Variants in DLG2 observed in about 807,000 individuals in gnomAD.
The protein encoded by DLG2 is discs large MAGUK scaffold protein 2, also known as disks large homolog 2.
A neutral mutation model predicts 132.5 loss-of-function variants in DLG2; 45 were observed. The observed-to-expected ratio is 0.34, with a 90% confidence interval of 0.27 to 0.44. The LOEUF (loss-of-function observed/expected upper bound fraction) is 0.44, where lower values mean the gene tolerates loss of function less well. Ranked by LOEUF, DLG2 falls within the 20% of genes least tolerant of loss-of-function variation. DLG2 has a pLI of 1.00. For synonymous variants in DLG2, 424 were observed against 419.6 expected, an observed-to-expected ratio of 1.01 and a Z score of -0.13; for missense variants, 1,045 against 1,196.9, an observed-to-expected ratio of 0.87 and a Z score of 1.87.
chr11:84,072,185 A>G (rs1391368124), intron 10 of DLG2, among the ~76,000 whole-genome samples: 1 of 152,232 alleles, frequency 6.6e-6, no homozygotes, highest in Non-Finnish European at 1.5e-5. Flanking sequence ...CTTTTTGGAT[A>G]AAGCCAAAGT....
chr11:85,172,159 G>A (rs2078922506), intron 4 of DLG2, among the ~76,000 whole-genome samples: 2 of 152,204 alleles, frequency 1.3e-5, no homozygotes, highest in South Asian at 2.1e-4. Context: ...GACTGGGTGA[G>A]TCCTCCCAAT....
chr11:84,049,271 T>G (rs1026908911), intron 11 of DLG2, among the ~76,000 whole-genome samples: 4 of 151,848 alleles, frequency 2.6e-5, no homozygotes, highest in African/African-American at 9.7e-5. Flanking sequence ...AAGCTGGACA[T>G]GAAATTTGTC....
intron 11 of DLG2, among the ~76,000 whole-genome samples, chr11:83,999,892 A>G (rs973726810): frequency 1.3e-5 from 2 of 152,152 alleles, no homozygotes; most frequent in African/African-American, 4.8e-5. Flanking sequence ...AAGCAAATTA[A>G]AAAAATGAGA....
chr11:84,566,374 T>C (rs900937788), intron 6 of DLG2, among the ~76,000 whole-genome samples: 1 of 152,192 alleles, frequency 6.6e-6, no homozygotes, highest in African/African-American at 2.4e-5. Flanking sequence ...TAAAATCAAA[T>C]AGCAGAAACT....
intron 19 of DLG2, among the ~76,000 whole-genome samples, chr11:83,582,620 T>C (rs2097000932): frequency 6.6e-6 from 1 of 152,202 alleles, no homozygotes; most frequent in South Asian, 2.1e-4. Flanking sequence ...CCAGCAATAT[T>C]ATTAATGGAT....
intron 6 of DLG2, among the ~76,000 whole-genome samples, chr11:84,932,220 T>G (rs1234893417): frequency 6.6e-6 from 1 of 152,220 alleles, no homozygotes; most frequent in African/African-American, 2.4e-5. Flanking sequence ...TGGTACTGCC[T>G]AGGTTGTCTT....
At chr11:83,684,782 T>C (rs763685693) in intron 18 of DLG2, among the ~76,000 whole-genome samples, 8 of 152,140 alleles carry the variant, frequency 5.3e-5, no homozygotes, top group Non-Finnish European at 1.0e-4. Context: ...ATTTCTTCCC[T>C]GTCCATTTTC....
intron 7 of DLG2, among the ~76,000 whole-genome samples, chr11:84,418,451 A>T (rs1365283816): frequency 6.6e-6 from 1 of 152,212 alleles, no homozygotes; most frequent in South Asian, 2.1e-4. Flanking sequence ...TGAAGGAGGT[A>T]TCATTATTTT....
intron 6 of DLG2, among the ~76,000 whole-genome samples, chr11:84,878,457 C>A (rs1265929517): frequency 6.6e-6 from 1 of 152,038 alleles, no homozygotes; most frequent in African/African-American, 2.4e-5. Flanking sequence ...AACACAGGAA[C>A]AGGAAACCAA....
intron 15 of DLG2, among the ~76,000 whole-genome samples, chr11:83,893,120 C>T (rs2070461950): frequency 6.6e-6 from 1 of 152,194 alleles, no homozygotes; most frequent in Non-Finnish European, 1.5e-5. Flanking sequence ...CACAGAAATA[C>T]ACCCTACCTC....
chr11:85,458,501 G>A (rs1013349158), intron 3 of DLG2, among the ~76,000 whole-genome samples: 1 of 152,094 alleles, frequency 6.6e-6, no homozygotes, highest in South Asian at 2.1e-4. Flanking sequence ...TGGAGACACT[G>A]GCTTTTTGAG....
chr11:84,245,902 C>A (rs900465994), intron 8 of DLG2, among the ~76,000 whole-genome samples: 1 of 152,200 alleles, frequency 6.6e-6, no homozygotes, highest in East Asian at 1.9e-4. Context: ...ACTCACTCTT[C>A]CCCTAATTCG....
rs561021539 is a variant in DLG2, at chr11:85,093,059, T to C, written c.357+18602A>G. ...ACAAACAATCCAATTACACTCCTTT[T>C]AGACATTGATTTTCGACTGTGGGGT... On this transcript the variant is annotated intron_variant, in intron 6 of 27. Coordinates refer to ENST00000376104, the MANE Select transcript of DLG2 (RefSeq NM_001142699.3). Among the ~76,000 whole-genome samples the C allele has an allele frequency of 2.5e-3, 388 of 152,322 alleles. 1 individual carries two copies. The highest frequency in any genetic ancestry group is 3.3e-3 in the Non-Finnish European group (225 of 68,020).
intron 19 of DLG2, among the ~76,000 whole-genome samples, chr11:83,581,594 T>C (rs1017823157): frequency 2.0e-5 from 3 of 152,190 alleles, no homozygotes; most frequent in African/African-American, 7.2e-5. Context: ...CAGGTGAAAA[T>C]AGATATGATT....
At chr11:85,045,570 A>T (rs1037148015) in intron 6 of DLG2, among the ~76,000 whole-genome samples, 1 of 152,070 alleles carries the variant, frequency 6.6e-6, no homozygotes, top group Non-Finnish European at 1.5e-5. Context: ...AAGACAAAAT[A>T]AACAAAAAAA....
chr11:84,824,708 T>C (rs185665248), intron 6 of DLG2, among the ~76,000 whole-genome samples: 28 of 152,026 alleles, frequency 1.8e-4, no homozygotes, highest in Admixed American at 4.6e-4. Flanking sequence ...TCAGAGTTGC[T>C]TGATGCCACT....
At chr11:84,917,953 T>C (rs1246775272) in intron 6 of DLG2, among the ~76,000 whole-genome samples, 2 of 152,144 alleles carry the variant, frequency 1.3e-5, no homozygotes, top group Non-Finnish European at 2.9e-5. Flanking sequence ...TTATGAGCCA[T>C]AGGTGTTACT....
chr11:83,663,482 T>C (rs2074823974), intron 18 of DLG2, among the ~76,000 whole-genome samples: 1 of 152,224 alleles, frequency 6.6e-6, no homozygotes, highest in Admixed American at 6.5e-5. Context: ...GTTTATTAAA[T>C]ATGTATTAGG....
At chr11:84,706,088 A>G (rs1223766725) in intron 6 of DLG2, among the ~76,000 whole-genome samples, 1 of 151,918 alleles carries the variant, frequency 6.6e-6, no homozygotes, top group East Asian at 1.9e-4. Context: ...TGAAGAGATG[A>G]CACAAATTGA....
Sources: gnomAD v4.1 joint callset for allele counts (sites outside exome capture counted in the v4.1 genomes callset) on GRCh38, gnomAD v4.1.1 for gene constraint, MANE v1.5 for transcripts, NCBI Gene and HGNC (gene_info 2026-07-23, HGNC 2026-07-21) for gene names.